Variants in TFEC observed in about 807,000 individuals in gnomAD.
TFEC encodes the protein transcription factor EC, also known as class E basic helix-loop-helix protein 34.
TFEC carries 31 observed loss-of-function variants against 41.6 expected under a neutral mutation model. The observed-to-expected ratio is 0.74, with a 90% CI of 0.56 to 1.01. TFEC has a LOEUF of 1.01. Among genes scored for constraint, TFEC ranks in the 50% least tolerant of loss-of-function variants. The probability of loss-of-function intolerance (pLI) is 0.00; values close to 1 mark genes in which losing one functional copy is unlikely to be tolerated. For synonymous variants in TFEC, 143 were observed against 140.6 expected (o/e 1.02, Z -0.12); for missense variants, 402 against 404.1 (o/e 0.99, Z 0.04).
At chr7:116,139,562 A>C (rs2116378042) in intron 1 of TFEC, among the ~76,000 whole-genome samples, 1 of 152,218 alleles carries the variant, frequency 6.6e-6, no homozygotes, top group African/African-American at 2.4e-5. Context: ...AAAAGTTTAA[A>C]TCATTGAACC....
At chr7:116,075,772 C>T (rs1332411596) in intron 3 of TFEC, among the ~76,000 whole-genome samples, 3 of 152,180 alleles carry the variant, frequency 2.0e-5, no homozygotes, top group Non-Finnish European at 4.4e-5. Flanking sequence ...CCACCCCCAT[C>T]TGGTGGTCTT....
intron 3 of TFEC, among the ~76,000 whole-genome samples, chr7:115,970,095 G>C (rs747479608): frequency 6.6e-6 from 1 of 151,910 alleles, no homozygotes; most frequent in Non-Finnish European, 1.5e-5. Context: ...TTACCTATAG[G>C]ACATGTATTG....
intron 4 of TFEC, among the ~76,000 whole-genome samples, chr7:115,956,062 A>T (rs542737335): frequency 6.6e-6 from 1 of 152,088 alleles, no homozygotes; most frequent in South Asian, 2.1e-4. Flanking sequence ...ATCAGCTGTT[A>T]CACCTTTAGG....
At chr7:116,118,685 C>A (rs1798045079) in intron 1 of TFEC, among the ~76,000 whole-genome samples, 1 of 151,628 alleles carries the variant, frequency 6.6e-6, no homozygotes, top group Non-Finnish European at 1.5e-5. Flanking sequence ...AAAACAAATT[C>A]AATAGTTGCA....
intron 3 of TFEC, among the ~76,000 whole-genome samples, chr7:116,068,675 T>C (rs1796752750): frequency 1.3e-5 from 2 of 151,582 alleles, no homozygotes; most frequent in Admixed American, 6.6e-5. Context: ...TACTAGAAAA[T>C]AATGCTTTGC....
intron 1 of TFEC, among the ~76,000 whole-genome samples, chr7:116,021,633 C>T (rs954993066): frequency 5.3e-5 from 8 of 152,312 alleles, no homozygotes; most frequent in Middle Eastern, 3.4e-3. Flanking sequence ...CAGACACCCA[C>T]GTCCTCCAAA....
chr7:115,943,622 T>C (rs1335553641), intron 6 of TFEC, among the ~76,000 whole-genome samples: 1 of 150,610 alleles, frequency 6.6e-6, no homozygotes, highest in East Asian at 2.0e-4. Flanking sequence ...TTATTTTTTA[T>C]ATTTACTAAA....
chr7:116,014,158 G>T (rs1226628954), intron 1 of TFEC, among the ~76,000 whole-genome samples: 1 of 151,922 alleles, frequency 6.6e-6, no homozygotes, highest in East Asian at 1.9e-4. Context: ...TCACAAGAAA[G>T]AAGAATGAAA....
intron 3 of TFEC, among the ~76,000 whole-genome samples, chr7:116,055,332 A>G (rs1310111769): frequency 6.6e-6 from 1 of 152,130 alleles, no homozygotes; most frequent in Non-Finnish European, 1.5e-5. Flanking sequence ...TCATTTAAAT[A>G]TGGCTTCTTT....
At chr7:116,079,885 C>A (rs1427075232) in intron 3 of TFEC, among the ~76,000 whole-genome samples, 1 of 151,970 alleles carries the variant, frequency 6.6e-6, no homozygotes, top group African/African-American at 2.4e-5. Context: ...CAAGACTAAG[C>A]AGAAAGAACA....
At chr7:116,050,908 C>A (rs1317683068) in intron 3 of TFEC, among the ~76,000 whole-genome samples, 4 of 152,158 alleles carry the variant, frequency 2.6e-5, no homozygotes, top group Non-Finnish European at 5.9e-5. Flanking sequence ...AAATGACCAC[C>A]AATGATAGAC....
chr7:115,981,172 T>C (rs572729724), intron 2 of TFEC, among the ~76,000 whole-genome samples: 12 of 152,116 alleles, frequency 7.9e-5, no homozygotes, highest in East Asian at 5.8e-4. Context: ...TTGTACCAAA[T>C]TGTATCACTC....
At chr7:116,012,366 A>T (rs1168953373) in intron 1 of TFEC, among the ~76,000 whole-genome samples, 2 of 152,178 alleles carry the variant, frequency 1.3e-5, no homozygotes, top group African/African-American at 4.8e-5. Flanking sequence ...CAAAGCTCTC[A>T]TGTCATGCTT....
chr7:116,154,539 A>C (rs748000208), intron 1 of TFEC, among the ~76,000 whole-genome samples: 2 of 152,174 alleles, frequency 1.3e-5, no homozygotes, highest in Non-Finnish European at 2.9e-5. Flanking sequence ...TGGACTGGGA[A>C]TATATATTAA....
At chr7:116,028,929 A>G (rs1795685780) in intron 1 of TFEC, among the ~76,000 whole-genome samples, 1 of 146,362 alleles carries the variant, frequency 6.8e-6, no homozygotes, top group South Asian at 2.2e-4. Context: ...TACTTCCACT[A>G]TATAAGTTAG....
At chr7:116,143,346 T>G (rs1010996078) in intron 1 of TFEC, among the ~76,000 whole-genome samples, 13 of 152,174 alleles carry the variant, frequency 8.5e-5, no homozygotes, top group African/African-American at 2.9e-4. Context: ...TATGAGATCT[T>G]TTTGATACAG....
intron 1 of TFEC, among the ~76,000 whole-genome samples, chr7:116,022,390 T>C (rs1562938465): frequency 6.6e-6 from 1 of 152,196 alleles, no homozygotes; most frequent in Non-Finnish European, 1.5e-5. Context: ...AAGCATTGTT[T>C]GAGCAGCATT....
At chr7:116,118,764 T>C (rs1347966255) in intron 1 of TFEC, among the ~76,000 whole-genome samples, 1 of 151,754 alleles carries the variant, frequency 6.6e-6, no homozygotes, top group African/African-American at 2.4e-5. Context: ...AATTTAGAGA[T>C]TAAGAATTTA....
At chr7:116,018,695 G>A (rs1000176836) in intron 1 of TFEC, among the ~76,000 whole-genome samples, 2 of 152,164 alleles carry the variant, frequency 1.3e-5, no homozygotes, top group South Asian at 2.1e-4. Context: ...AGGCAAATTC[G>A]TCTATTGAGT....
Sources: gnomAD v4.1 joint callset for allele counts (sites outside exome capture counted in the v4.1 genomes callset) on GRCh38, gnomAD v4.1.1 for gene constraint, MANE v1.5 for transcripts, NCBI Gene and HGNC (gene_info 2026-07-23, HGNC 2026-07-21) for gene names.